Variants in ATXN2 observed in about 807,000 individuals in gnomAD.
ATXN2 encodes the protein ataxin 2.
In ATXN2, 37 loss-of-function variants were observed where a neutral mutation model predicts 138.6. The ratio of observed to expected loss-of-function variants is 0.27; its 90% CI spans 0.21 to 0.35. ATXN2 has a LOEUF of 0.35. Among genes scored for constraint, ATXN2 ranks in the 10% least tolerant of loss-of-function variants. ATXN2 has a pLI of 1.00. For synonymous variants in ATXN2, 549 were observed against 543.7 expected (o/e 1.01, Z -0.13); for missense variants, 1,216 against 1,480.3 (o/e 0.82, Z 2.93).
At chr12:111,554,964 C>T (rs774675664) in intron 2 of ATXN2, among the ~76,000 whole-genome samples, 1 of 152,172 alleles carries the variant, frequency 6.6e-6, no homozygotes, top group Non-Finnish European at 1.5e-5. Context: ...CTACCATATA[C>T]GTGTATATCT....
intron 1 of ATXN2, among the ~76,000 whole-genome samples, chr12:111,571,874 T>G (rs1323197844): frequency 6.6e-6 from 1 of 151,724 alleles, no homozygotes; most frequent in Non-Finnish European, 1.5e-5. Context: ...TAGCTGGGCG[T>G]GGCAGCATGT....
At chr12:111,575,257 G>A (rs1883568127) in intron 1 of ATXN2, among the ~76,000 whole-genome samples, 1 of 152,082 alleles carries the variant, frequency 6.6e-6, no homozygotes, top group Non-Finnish European at 1.5e-5. Flanking sequence ...TGTGATCATA[G>A]CTCCTGCAAT....
At chr12:111,566,634 TTTTC>T (rs982812660) in intron 1 of ATXN2, among the ~76,000 whole-genome samples, 5 of 150,716 alleles carry the variant, frequency 3.3e-5, no homozygotes, top group African/African-American at 2.4e-5. Context: ...AGGAAATTGC[TTTTC>T]TTTTTTTTTT....
At chr12:111,571,165 A>G (rs1883290897) in intron 1 of ATXN2, among the ~76,000 whole-genome samples, 1 of 152,226 alleles carries the variant, frequency 6.6e-6, no homozygotes, top group South Asian at 2.1e-4. Flanking sequence ...GCGAATACTA[A>G]TTGTAAAGTC....
intron 14 of ATXN2, among the ~76,000 whole-genome samples, chr12:111,491,828 G>C (rs1457709955): frequency 6.6e-6 from 1 of 152,186 alleles, no homozygotes; most frequent in East Asian, 1.9e-4. Flanking sequence ...CCTGCTTGAG[G>C]TGAGAGAAGA....
intron 11 of ATXN2, chr12:111,511,287 T>C (rs1404826141): frequency 3.3e-5 from 5 of 151,988 alleles, no homozygotes; most frequent in African/African-American, 7.3e-5. Context: ...AAGAAAACTA[T>C]TATTCAACAA....
intron 23 of ATXN2, 29 bp downstream of exon 23, chr12:111,456,000 C>A: frequency 6.2e-7 from 1 of 1,601,040 alleles, no homozygotes; most frequent in Non-Finnish European, 8.6e-7. Context: ...ACTTGGCCTT[C>A]ACAGAAAGTT....
chr12:111,525,115 G>T, intron 6 of ATXN2, 77 bp downstream of exon 6: 1 of 1,500,392 alleles, frequency 6.7e-7, no homozygotes, highest in Non-Finnish European at 8.9e-7. Flanking sequence ...AACAACAAAA[G>T]CACATTTAAA....
At chr12:111,475,628 T>A (rs1876759417) in intron 18 of ATXN2, among the ~76,000 whole-genome samples, 1 of 151,346 alleles carries the variant, frequency 6.6e-6, no homozygotes, top group Admixed American at 6.6e-5. Flanking sequence ...GTAGCTAGAA[T>A]TACAGGTGCC....
At position 111,598,409 on chromosome 12, in the gene ATXN2, G is replaced by T. The variant is rs953687279; in HGVS notation, c.251+375C>A. The stretch of plus-strand genomic sequence containing the variant: ...CGTTCACACCTAAACCGGGAGTGGA[G>T]GAGCTGCCCGAGCATCCCCACGCTG... On this transcript the variant is annotated intron_variant, in intron 1 of 24. Coordinates refer to ENST00000673436, the MANE Select transcript of ATXN2 (RefSeq NM_001372574.1). This position sits in a 1 kb window ranked among gnomAD's most constrained non-coding sequence, Gnocchi z 4.5. 3.0e-6 allele frequency: 3 copies of T among 985,692 alleles called. No individual in the cohort carries two copies. The highest frequency in any genetic ancestry group is 3.6e-6 in the Non-Finnish European group (3 of 830,186). The allele number at this position is 985,692 out of a possible 1,614,324, so 61.1% of individuals were successfully genotyped here. A position where few individuals can be genotyped will look rare whatever the true frequency, so the allele number is the denominator to read the frequency against.
intron 14 of ATXN2, among the ~76,000 whole-genome samples, chr12:111,504,694 ATG>A (rs1878995716): frequency 1.3e-5 from 2 of 152,188 alleles, no homozygotes; most frequent in South Asian, 4.1e-4. Context: ...GTGTATGGTT[ATG>A]TGTCAATTAG....
chr12:111,527,136 T>C (rs897444431), intron 5 of ATXN2, among the ~76,000 whole-genome samples: 3 of 152,178 alleles, frequency 2.0e-5, no homozygotes, highest in African/African-American at 7.2e-5. Context: ...TAGACTCAGC[T>C]AAATAAAGGC....
At position 111,599,188 on chromosome 12, in the gene ATXN2, G is replaced by T; in HGVS notation, c.-154C>A. 5 of 1,205,096 alleles carry T rather than the reference G, an allele frequency of 4.1e-6. No homozygotes were observed. The highest frequency in any genetic ancestry group is 5.1e-6 in the Non-Finnish European group (5 of 971,718). The allele number at this position is 1,205,096 out of a possible 1,614,324, so 74.7% of individuals were successfully genotyped here. On this transcript the variant is annotated 5_prime_UTR_variant, in exon 1 of 25. Transcript: ENST00000673436. ...GAGGGGCGCCCGGGCTGGCGAGGGG[G>T]AGAAGGAGGACGACGAAGGGGCGGG...
At chr12:111,494,582 C>A (rs1388526449) in intron 14 of ATXN2, among the ~76,000 whole-genome samples, 1 of 151,956 alleles carries the variant, frequency 6.6e-6, no homozygotes, top group Admixed American at 6.6e-5. Context: ...CGTGCCTCCA[C>A]GCCTGGCTAA....
At chr12:111,583,671 G>A (rs1884140641) in intron 1 of ATXN2, among the ~76,000 whole-genome samples, 1 of 147,214 alleles carries the variant, frequency 6.8e-6, no homozygotes, top group African/African-American at 2.5e-5. Flanking sequence ...GGAGGCTGAG[G>A]CAGGAGAATC....
chr12:111,532,980 G>A (rs538126057), intron 5 of ATXN2, among the ~76,000 whole-genome samples: 2 of 152,164 alleles, frequency 1.3e-5, no homozygotes, highest in African/African-American at 4.8e-5. Context: ...GCTGGATTAG[G>A]AGTAGACAGA....
At chr12:111,560,741 T>C (rs920507034) in intron 1 of ATXN2, among the ~76,000 whole-genome samples, 1 of 150,588 alleles carries the variant, frequency 6.6e-6, no homozygotes, top group African/African-American at 2.4e-5. Context: ...ACTTAAAATG[T>C]CCAGTTTTCA....
intron 8 of ATXN2, among the ~76,000 whole-genome samples, chr12:111,518,946 T>C (rs531748539): frequency 2.6e-5 from 4 of 152,174 alleles, no homozygotes; most frequent in Admixed American, 6.5e-5. Flanking sequence ...CTTTACTAGA[T>C]AGGTAGCAGG....
intron 5 of ATXN2, among the ~76,000 whole-genome samples, chr12:111,547,093 A>C (rs752816895): frequency 8.5e-5 from 13 of 152,254 alleles, no homozygotes; most frequent in Non-Finnish European, 1.9e-4. Flanking sequence ...TGATGTTAGC[A>C]TCAAGAACTT....
Sources: gnomAD v4.1 joint callset for allele counts (sites outside exome capture counted in the v4.1 genomes callset) on GRCh38, gnomAD v4.1.1 for gene constraint, Gnocchi (gnomAD v3.1) non-coding constraint, MANE v1.5 for transcripts, NCBI Gene and HGNC (gene_info 2026-07-23, HGNC 2026-07-21) for gene names.